ATP2B2: variants seen among roughly 807,000 people sequenced by gnomAD.
ATP2B2 encodes the protein plasma membrane calcium-transporting ATPase 2.
A neutral mutation model predicts 120.0 loss-of-function variants in ATP2B2; 15 were observed. That is an observed-to-expected ratio of 0.12 (90% CI 0.08 to 0.19). ATP2B2 has a LOEUF of 0.19. Ranked by LOEUF, ATP2B2 falls within the 10% of genes least tolerant of loss-of-function variation. ATP2B2 has a pLI of 1.00. For synonymous variants in ATP2B2, 694 were observed against 700.3 expected, an observed-to-expected ratio of 0.99 and a Z score of 0.14; for missense variants, 1,045 against 1,719.8, an observed-to-expected ratio of 0.61 and a Z score of 6.94.
intron 2 of ATP2B2, among the ~76,000 whole-genome samples, chr3:10,552,214 T>G (rs2067685170): frequency 6.6e-6 from 1 of 152,162 alleles, no homozygotes; most frequent in Non-Finnish European, 1.5e-5. Flanking sequence ...GGAAACCACA[T>G]AGGCATCACC....
chr3:10,558,481 G>T lies in ATP2B2; in HGVS notation c.-414-24348C>A, dbSNP rs190476230. ...AGGAGGGGGGCACTTTTACCACCAC[G>T]CAAGGAGAGGATGTCTGAGGGTGAA... On this transcript the variant is annotated intron_variant, in intron 2 of 21. Transcript: ENST00000646379. Among the ~76,000 whole-genome samples, 3 of 152,258 alleles carry T rather than the reference G, an allele frequency of 2.0e-5. No individual in the cohort carries two copies. The South Asian group carries it at 6.2e-4, about 32-fold the overall frequency.
chr3:10,388,776 A>C (rs2061758381), intron 5 of ATP2B2, among the ~76,000 whole-genome samples: 1 of 152,232 alleles, frequency 6.6e-6, no homozygotes, highest in Non-Finnish European at 1.5e-5. Context: ...GCCACTACAC[A>C]CATTACAAAA....
At chr3:10,553,635 CAG>C (rs2067714989) in intron 2 of ATP2B2, among the ~76,000 whole-genome samples, 2 of 152,062 alleles carry the variant, frequency 1.3e-5, no homozygotes, top group African/African-American at 4.8e-5. Flanking sequence ...CAGAGGATTG[CAG>C]AGCTGGGGGG....
At chr3:10,539,518 G>T (rs186524902) in intron 2 of ATP2B2, among the ~76,000 whole-genome samples, 1 of 152,114 alleles carries the variant, frequency 6.6e-6, no homozygotes, top group East Asian at 1.9e-4. Flanking sequence ...CCAAAACAGA[G>T]ATACAGACCA....
At chr3:10,533,274 T>C (rs1020641883) in intron 3 of ATP2B2, among the ~76,000 whole-genome samples, 2 of 152,226 alleles carry the variant, frequency 1.3e-5, no homozygotes, top group African/African-American at 2.4e-5. Context: ...AGTGGTGTTC[T>C]GGCCTCAGAG....
chr3:10,429,255 T>C (rs1292827607), intron 2 of ATP2B2, among the ~76,000 whole-genome samples: 1 of 152,206 alleles, frequency 6.6e-6, no homozygotes, highest in Admixed American at 6.5e-5. Context: ...AAAATCTCCA[T>C]TATTTTCCCA....
Position 10,338,372 on chromosome 3 carries a change from T to C in ATP2B2, c.3238-14A>G. The C allele has an allele frequency of 6.2e-7, 1 of 1,614,152 alleles. No individual in the cohort carries two copies. Among genetic ancestry groups the C allele is most frequent in the African/African-American group, 1.3e-5 (1 of 75,054 alleles). On this transcript the variant is annotated splice_polypyrimidine_tract_variant and intron_variant, in intron 21 of 22. Transcript: ENST00000360273. The stretch of plus-strand genomic sequence containing the variant: ...GGTGGCGATGACCTGCAAGGGACCC[T>C]GTCTGTCAGGACGGTGGGGCTGTCC...
intron 2 of ATP2B2, among the ~76,000 whole-genome samples, chr3:10,424,509 T>A (rs2063087265): frequency 6.6e-6 from 1 of 152,246 alleles, no homozygotes; most frequent in Admixed American, 6.5e-5. Flanking sequence ...GTCACCAGAC[T>A]GGGTGTTGCT....
chr3:10,375,981 C>T lies in ATP2B2; in HGVS notation c.1202-337G>A, dbSNP rs113482421. 4.3e-4 allele frequency among the ~76,000 whole-genome samples: 66 copies of T among 152,350 alleles called. No individual in the cohort carries two copies. Among genetic ancestry groups the T allele is most frequent in the African/African-American group, 1.6e-3 (65 of 41,572 alleles). On this transcript the variant is annotated intron_variant, in intron 10 of 22. Transcript: ENST00000360273. The surrounding 1 kb of genome is among the most constrained non-coding windows in gnomAD (Gnocchi z 4.2). ...TGCTCAAGAGATGTGTGCCGAGTGA[C>T]TGTGTGAATAAAGGAGGAATGGTTT...
intron 3 of ATP2B2, among the ~76,000 whole-genome samples, chr3:10,532,505 C>T (rs570328028): frequency 9.6e-4 from 146 of 152,284 alleles, no homozygotes; most frequent in African/African-American, 3.3e-3. Flanking sequence ...GCGACGTCAC[C>T]GCCTCTCCCT....
chr3:10,443,844 G>C (rs765881266), intron 2 of ATP2B2, among the ~76,000 whole-genome samples: 1 of 152,120 alleles, frequency 6.6e-6, no homozygotes, highest in African/African-American at 2.4e-5. Flanking sequence ...TTCAACTCAC[G>C]GTCTACAAAA....
intron 5 of ATP2B2, among the ~76,000 whole-genome samples, chr3:10,397,697 G>C (rs764731474): frequency 6.6e-5 from 10 of 152,192 alleles, no homozygotes; most frequent in Non-Finnish European, 1.5e-4. Context: ...GGTGGGGGCA[G>C]AGTGGCAGAC....
At position 10,350,435 on chromosome 3, in the gene ATP2B2, T is replaced by C. The variant is rs773673140; in HGVS notation, c.2279A>G (p.Lys760Arg). The change falls in exon 15 of 23, where the codon AAG becomes AGG. Residue 760 changes from lysine (K) to arginine (R), a missense_variant. Around this residue, in one of 11 missense-constraint regions of ATP2B2, gnomAD observed 343 missense variants for 536.8 expected, o/e 0.64. Transcript: ENST00000360273. ...GTTGCGGATCCTCCTGTTGAACTCC[T>C]TGCCCTCGAGGCACAGAAAGTCCTC... ...PGEDFLCLEGKEFNRRIRNEK... is the reference protein window; with the variant it reads ...PGEDFLCLEGREFNRRIRNEK... The C allele has an allele frequency of 1.9e-6, 3 of 1,614,126 alleles. No homozygotes were observed.
chr3:10,412,381 G>C (rs2062641581), intron 2 of ATP2B2, among the ~76,000 whole-genome samples: 1 of 152,174 alleles, frequency 6.6e-6, no homozygotes, highest in South Asian at 2.1e-4. Flanking sequence ...ACTGTCTGCT[G>C]TGCCCCTCAG....
intron 14 of ATP2B2, among the ~76,000 whole-genome samples, chr3:10,352,848 A>G (rs1229673797): frequency 6.6e-6 from 1 of 152,184 alleles, no homozygotes; most frequent in African/African-American, 2.4e-5. Flanking sequence ...CTGGGAACGC[A>G]CACCTTATCT....
At chr3:10,362,637 T>C (rs1266877434) in intron 12 of ATP2B2, among the ~76,000 whole-genome samples, 1 of 152,128 alleles carries the variant, frequency 6.6e-6, no homozygotes, top group African/African-American at 2.4e-5. Context: ...GGGCCGTGGA[T>C]AGGGAGCAAG....
intron 1 of ATP2B2, among the ~76,000 whole-genome samples, chr3:10,483,193 A>G (rs1445553263): frequency 6.6e-6 from 1 of 152,224 alleles, no homozygotes; most frequent in Non-Finnish European, 1.5e-5. Flanking sequence ...CCCTGCACAC[A>G]CATTGCTTCT....
intron 2 of ATP2B2, among the ~76,000 whole-genome samples, chr3:10,582,652 G>A (rs1034000315): frequency 6.6e-6 from 1 of 152,252 alleles, no homozygotes; most frequent in African/African-American, 2.4e-5. Context: ...TGGAATGAGA[G>A]GGAGGAGCCA....
intron 2 of ATP2B2, among the ~76,000 whole-genome samples, chr3:10,417,905 G>A (rs1325295721): frequency 5.9e-5 from 9 of 152,190 alleles, no homozygotes; most frequent in Admixed American, 6.5e-5. Context: ...CCTCAGAAGA[G>A]GGGTCAGATG....
Sources: allele counts gnomAD v4.1 joint callset (sites outside exome capture counted in the v4.1 genomes callset), GRCh38; gene constraint gnomAD v4.1.1; regional missense constraint gnomAD v4.1.1; non-coding constraint Gnocchi (gnomAD v3.1); transcripts MANE v1.5; gene names NCBI Gene and HGNC (gene_info 2026-07-23, HGNC 2026-07-21).